The following TAAR1 variants were observed in gnomAD, a reference collection of about 807,000 sequenced individuals.
The protein encoded by TAAR1 is trace amine-associated receptor 1.
In TAAR1, 1 loss-of-function variant was observed where a neutral mutation model predicts 1.2. That is an observed-to-expected ratio of 0.81 (90% confidence interval 0.29 to 3.86). TAAR1 has a LOEUF of 3.86. Ranked by LOEUF, TAAR1 falls within the 30% of genes most tolerant of loss-of-function variation. The pLI is 0.18. For synonymous variants in TAAR1, 153 were observed against 132.2 expected (o/e 1.16, Z -1.08); for missense variants, 445 against 405.6 (o/e 1.10, Z -0.83).
intron 1 of TAAR1, among the ~76,000 whole-genome samples, chr6:132,648,038 A>G (rs76907463): frequency 0.042 from 6,426 of 152,270 alleles, 190 homozygotes; most frequent in East Asian, 0.16. Context: ...TCCATGATAG[A>G]AGCTAAACAG....
intron 1 of TAAR1, among the ~76,000 whole-genome samples, chr6:132,646,869 T>C (rs756484618): frequency 2.2e-4 from 33 of 152,166 alleles, no homozygotes; most frequent in Non-Finnish European, 4.6e-4. Flanking sequence ...TTCTTTGATA[T>C]CAGTCCAGTC....
intron 1 of TAAR1, among the ~76,000 whole-genome samples, chr6:132,656,424 G>A (rs768371423): frequency 1.3e-5 from 2 of 152,016 alleles, no homozygotes; most frequent in Non-Finnish European, 2.9e-5. Flanking sequence ...GATAAATAGG[G>A]GGAGGGAGAG....
intron 1 of TAAR1, among the ~76,000 whole-genome samples, chr6:132,646,997 T>C (rs1293407623): frequency 6.6e-6 from 1 of 152,120 alleles, no homozygotes; most frequent in African/African-American, 2.4e-5. Context: ...AAGAATGATA[T>C]TGTGGTCCCA....
intron 1 of TAAR1, among the ~76,000 whole-genome samples, 133 bp from the exon 2 acceptor site, chr6:132,646,262 C>T (rs1341838460): frequency 1.3e-5 from 2 of 152,108 alleles, no homozygotes; most frequent in African/African-American, 2.4e-5. Context: ...TTCAATAGTT[C>T]AGTACAGCAA....
intron 1 of TAAR1, among the ~76,000 whole-genome samples, chr6:132,650,033 CT>C (rs1340753745): frequency 1.3e-5 from 2 of 152,158 alleles, no homozygotes; most frequent in Non-Finnish European, 2.9e-5. Flanking sequence ...CGACCTCTAT[CT>C]TTTAACAATC....
At chr6:132,656,090 G>A (rs1777801850) in intron 1 of TAAR1, among the ~76,000 whole-genome samples, 1 of 152,160 alleles carries the variant, frequency 6.6e-6, no homozygotes, top group Admixed American at 6.5e-5. Context: ...TCCTGGCTGG[G>A]CCATTCACTG....
intron 1 of TAAR1, among the ~76,000 whole-genome samples, chr6:132,647,075 G>A (rs762550766): frequency 1.8e-3 from 268 of 152,246 alleles, no homozygotes; most frequent in Non-Finnish European, 2.8e-3. Context: ...GGTGCAAAGA[G>A]CACTGAGGTG....
At position 132,645,496 on chromosome 6, in the gene TAAR1, C is replaced by T. The variant is rs755706317; in HGVS notation, c.508G>A (p.Glu170Lys). The T allele has an allele frequency of 6.2e-7, 1 of 1,613,764 alleles. No individual in the cohort carries two copies. The highest frequency in any genetic ancestry group is 8.5e-7 in the Non-Finnish European group (1 of 1,179,840). The stretch of plus-strand genomic sequence containing the variant: ...CAGTGAACATGTTTGTAATATATCT[C>T]TTCAGCGCCTTTGAAGTTTAGCTCC... ...FLELNFKGAE[E>K]IYYKHVHCRG... is the part of the protein sequence containing the mutation. The change falls in exon 2 of 2, where the codon GAG (glutamate) becomes AAG (lysine). Residue 170 changes from glutamate to lysine, a missense_variant. Coordinates refer to ENST00000275216, the MANE Select transcript of TAAR1 (RefSeq NM_138327.4).
At chr6:132,653,458 G>T (rs1183900335) in intron 1 of TAAR1, among the ~76,000 whole-genome samples, 1 of 152,184 alleles carries the variant, frequency 6.6e-6, no homozygotes, top group African/African-American at 2.4e-5. Context: ...TTGGGTTTTT[G>T]TGTGTGTTAT....
In TAAR1 at chr6:132,651,551, T is replaced by C. The variant is rs545855549; in HGVS notation, c.-126-5422A>G. 2.0e-5 allele frequency among the ~76,000 whole-genome samples: 3 copies of C among 152,272 alleles called. No individual in the cohort carries two copies. The East Asian group carries it at 5.8e-4, about 29-fold the overall frequency. Reference sequence around the variant, plus strand: ...TTAGCTTCTCGCACTCAACAACATATCCAATTCATCAATAAATGATCTTGG... The same window carrying C: ...TTAGCTTCTCGCACTCAACAACATACCCAATTCATCAATAAATGATCTTGG... On this transcript the variant is annotated intron_variant, in intron 1 of 1. Transcript: ENST00000275216.
In TAAR1 at chr6:132,646,082, G is replaced by C; in HGVS notation, c.-79C>G. ...TTCCCAAATCCATAATCAGGTTACA[G>C]TTCCTTCTCATGTTTATTTTTTATT... On this transcript the variant is annotated 5_prime_UTR_variant, in exon 2 of 2. Coordinates refer to ENST00000275216, the MANE Select transcript of TAAR1 (RefSeq NM_138327.4). The C allele has an allele frequency of 1.4e-6, 2 of 1,428,108 alleles. No homozygotes were observed. The highest frequency in any genetic ancestry group is 1.9e-6 in the Non-Finnish European group (2 of 1,059,600). The allele number at this position is 1,428,108 out of a possible 1,614,324, so 88.5% of individuals were successfully genotyped here.
intron 1 of TAAR1, among the ~76,000 whole-genome samples, chr6:132,650,201 T>C (rs750295533): frequency 4.6e-5 from 7 of 152,140 alleles, no homozygotes; most frequent in Admixed American, 2.0e-4. Flanking sequence ...GTGCTTCCTT[T>C]CCAACAATTT....
rs1312975649 is a variant in TAAR1, at chr6:132,645,535, C to A, written c.469G>T (p.Gly157Ter). The A allele has an allele frequency of 6.2e-7, 1 of 1,613,618 alleles. No homozygotes were observed. Residue 157 changes from glycine (G) to a stop codon, truncating the protein, a stop_gained, in exon 2 of 2, where the codon GGA (glycine) becomes TGA (stop). Transcript: ENST00000275216. LOFTEE classifies it low-confidence loss of function (END_TRUNC). Reference sequence around the variant, plus strand: ...AAGTTTAGCTCCAGAAAGATCATTCCAAATGCAAAAACAGCAGGGACACTC... The same window carrying A: ...AAGTTTAGCTCCAGAAAGATCATTCAAAATGCAAAAACAGCAGGGACACTC... Reference protein sequence around the residue: ...SWSVPAVFAFGMIFLELNFKG... With the variant: ...SWSVPAVFAF
intron 1 of TAAR1, among the ~76,000 whole-genome samples, chr6:132,646,437 C>CCAGT (rs1777673661): frequency 6.6e-6 from 1 of 152,054 alleles, no homozygotes; most frequent in South Asian, 2.1e-4. Context: ...CCATAGGAAG[C>CCAGT]CAGTCTAGTG....
chr6:132,647,362 GCACACACACA>G (rs55908881), intron 1 of TAAR1, among the ~76,000 whole-genome samples: 147 of 140,688 alleles, frequency 1.0e-3, no homozygotes, highest in African/African-American at 2.7e-3. Flanking sequence ...ACATACGCAT[GCACACACACA>G]CACACACACA....
In TAAR1 at chr6:132,645,480, T is replaced by G. The variant is rs1237178598; in HGVS notation, c.524A>C (p.His175Pro). ...AGAGCAACCTCCTCTGCAGTGAACA[T>G]GTTTGTAATATATCTCTTCAGCGCC... is the stretch of plus-strand genomic sequence containing the variant. The part of the protein sequence containing the change: ...FKGAEEIYYK[H>P]VHCRGGCSVF... Residue 175 changes from histidine to proline, a missense_variant, in exon 2 of 2, where the codon CAT (histidine) becomes CCT (proline). His to Pro is a moderately conservative substitution (Grantham distance 77, BLOSUM62 -2). Transcript: ENST00000275216. 4.3e-6 allele frequency: 7 copies of G among 1,613,786 alleles called. No individual in the cohort carries two copies. Among genetic ancestry groups the G allele is most frequent in the Non-Finnish European group, 5.1e-6 (6 of 1,179,828 alleles).
intron 1 of TAAR1, among the ~76,000 whole-genome samples, chr6:132,646,430 T>G (rs1582750480): frequency 6.6e-6 from 1 of 152,148 alleles, no homozygotes; most frequent in Non-Finnish European, 1.5e-5. Flanking sequence ...TCTGTGTCCA[T>G]AGGAAGCCAG....
At chr6:132,647,392 A>T (rs1263128456) in intron 1 of TAAR1, among the ~76,000 whole-genome samples, 1 of 149,100 alleles carries the variant, frequency 6.7e-6, no homozygotes, top group Non-Finnish European at 1.5e-5. Flanking sequence ...ACACACACAC[A>T]CATATATAAC....
chr6:132,646,230 G>A lies in TAAR1; in HGVS notation c.-126-101C>T, dbSNP rs541614332. Among the ~76,000 whole-genome samples the A allele has an allele frequency of 2.6e-5, 4 of 152,256 alleles. No homozygotes were observed. In the South Asian group the frequency reaches 6.2e-4, roughly 24 times the overall value. On this transcript the variant is annotated intron_variant, in intron 1 of 1. Transcript: ENST00000275216. ...CTGTTGAAGAATAGTTATTTTGGAA[G>A]GGACTTTATTTCCAAGTTCCATTCA...
Sources: allele counts gnomAD v4.1 joint callset (sites outside exome capture counted in the v4.1 genomes callset), GRCh38; gene constraint gnomAD v4.1.1; transcripts MANE v1.5; gene names NCBI Gene and HGNC (gene_info 2026-07-23, HGNC 2026-07-21).